GALNTL6: variants seen among roughly 807,000 people sequenced by gnomAD.
The protein encoded by GALNTL6 is polypeptide N-acetylgalactosaminyltransferase like 6, also known as polypeptide N-acetylgalactosaminyltransferase-like 6.
A neutral mutation model predicts 73.7 loss-of-function variants in GALNTL6; 46 were observed. The ratio of observed to expected loss-of-function variants is 0.62; its 90% CI spans 0.49 to 0.80. The LOEUF (loss-of-function observed/expected upper bound fraction) is 0.80, where lower values mean the gene tolerates loss of function less well. Ranked by LOEUF, GALNTL6 falls within the 30% of genes least tolerant of loss-of-function variation. GALNTL6 has a pLI of 0.00. For missense variants in GALNTL6, 604 were observed against 755.0 expected (o/e 0.80, Z 2.34); for synonymous variants, 259 against 263.7 (o/e 0.98, Z 0.17).
chr4:172,785,959 A>G (rs1739628690), intron 5 of GALNTL6, among the ~76,000 whole-genome samples: 1 of 152,204 alleles, frequency 6.6e-6, no homozygotes, highest in Non-Finnish European at 1.5e-5. Flanking sequence ...AAGGTAATCA[A>G]TGGTCTTGCT....
intron 5 of GALNTL6, among the ~76,000 whole-genome samples, chr4:172,394,989 T>A (rs541351224): frequency 1.3e-5 from 2 of 152,344 alleles, no homozygotes; most frequent in Admixed American, 1.3e-4. Flanking sequence ...CAGAAGGTGC[T>A]AGGATGAACA....
intron 2 of GALNTL6, among the ~76,000 whole-genome samples, chr4:172,158,785 A>G (rs1734363911): frequency 6.6e-6 from 1 of 152,202 alleles, no homozygotes; most frequent in Admixed American, 6.5e-5. Context: ...ATTTTTTTCA[A>G]TGGAAGTTTT....
chr4:172,806,774 C>T (rs369797623), intron 5 of GALNTL6, among the ~76,000 whole-genome samples: 1 of 152,072 alleles, frequency 6.6e-6, no homozygotes, highest in Admixed American at 6.6e-5. Context: ...TGTTTAGTCC[C>T]CAGTGACTGT....
intron 10 of GALNTL6, among the ~76,000 whole-genome samples, chr4:172,994,778 G>T (rs957407238): frequency 6.6e-6 from 1 of 152,142 alleles, no homozygotes; most frequent in Non-Finnish European, 1.5e-5. Flanking sequence ...AACTTGAAAA[G>T]CCCCATGGGT....
chr4:171,992,108 A>G (rs1360744191), intron 2 of GALNTL6, among the ~76,000 whole-genome samples: 2 of 152,020 alleles, frequency 1.3e-5, no homozygotes, highest in African/African-American at 4.8e-5. Context: ...ATCGCAATTC[A>G]TGACTCAGAT....
At chr4:172,903,439 G>A (rs1228192916) in intron 8 of GALNTL6, among the ~76,000 whole-genome samples, 1 of 152,110 alleles carries the variant, frequency 6.6e-6, no homozygotes, top group Non-Finnish European at 1.5e-5. Flanking sequence ...TGCAGAAAAA[G>A]GCAAAGGAAG....
intron 2 of GALNTL6, among the ~76,000 whole-genome samples, chr4:171,958,678 A>G (rs1019806713): frequency 5.9e-5 from 9 of 152,112 alleles, no homozygotes; most frequent in Admixed American, 2.6e-4. Context: ...ATCAACTATG[A>G]TCAATCACAT....
intron 5 of GALNTL6, among the ~76,000 whole-genome samples, chr4:172,568,007 G>A (rs1291753885): frequency 4.6e-5 from 7 of 152,094 alleles, no homozygotes; most frequent in South Asian, 2.1e-4. Context: ...CTAAAAATAC[G>A]AATTCAGGAA....
Position 171,964,864 on chromosome 4 carries a change from T to A in GALNTL6, c.138+150146T>A, listed in dbSNP as rs1011972508. The stretch of plus-strand genomic sequence containing the variant: ...CCTCTTTCGCAGAGGCAGCCCATAC[T>A]GATTGGCTGGCCACTGAAGGGACAC... On this transcript the variant is annotated intron_variant, in intron 2 of 12. Coordinates refer to ENST00000506823, the MANE Select transcript of GALNTL6 (RefSeq NM_001034845.3). 8.5e-4 allele frequency among the ~76,000 whole-genome samples: 129 copies of A among 152,220 alleles called. 5 individuals carry two copies. Among genetic ancestry groups the A allele is most frequent in the Non-Finnish European group, 1.6e-4 (11 of 68,036 alleles).
rs542504655 is a variant in GALNTL6, at chr4:172,779,287, C to T, written c.554-30074C>T. Among the ~76,000 whole-genome samples, 3 of 152,232 alleles carry T rather than the reference C, an allele frequency of 2.0e-5. No individual in the cohort carries two copies. In the East Asian group the frequency reaches 5.8e-4, roughly 29 times the overall value. On this transcript the variant is annotated intron_variant, in intron 5 of 12. Coordinates refer to ENST00000506823, the MANE Select transcript of GALNTL6 (RefSeq NM_001034845.3). ...TGTGGCAATTGGTATACAGTGACAA[C>T]ACCTTGGTACACGTGCTTCAGAGAG...
At chr4:172,533,162 C>T (rs1232917297) in intron 5 of GALNTL6, among the ~76,000 whole-genome samples, 1 of 151,668 alleles carries the variant, frequency 6.6e-6, no homozygotes, top group East Asian at 1.9e-4. Flanking sequence ...CAGGCACACA[C>T]CACCATGCCT....
intron 5 of GALNTL6, among the ~76,000 whole-genome samples, chr4:172,785,272 C>G (rs1208978502): frequency 6.6e-6 from 1 of 152,100 alleles, no homozygotes; most frequent in Admixed American, 6.6e-5. Context: ...AAACAGCATA[C>G]TCAGAAGTAG....
At chr4:172,587,140 A>AG (rs1737443021) in intron 5 of GALNTL6, among the ~76,000 whole-genome samples, 3 of 152,014 alleles carry the variant, frequency 2.0e-5, no homozygotes, top group Admixed American at 2.0e-4. Flanking sequence ...ATTGTGTAGA[A>AG]AAAATGTACG....
intron 4 of GALNTL6, among the ~76,000 whole-genome samples, chr4:172,315,163 A>G (rs541718935): frequency 2.0e-5 from 3 of 152,308 alleles, no homozygotes; most frequent in Non-Finnish European, 2.9e-5. Context: ...ACATCTCTCT[A>G]TCTTACAAAT....
chr4:172,225,564 C>T (rs1316072640), intron 2 of GALNTL6, among the ~76,000 whole-genome samples: 4 of 151,998 alleles, frequency 2.6e-5, no homozygotes, highest in East Asian at 3.9e-4. Context: ...ATTTACTAGA[C>T]CTGAGCTGGG....
chr4:172,464,360 A>C (rs1363268304), intron 5 of GALNTL6, among the ~76,000 whole-genome samples: 5 of 152,136 alleles, frequency 3.3e-5, no homozygotes, highest in African/African-American at 1.2e-4. Flanking sequence ...TATTTTGTGA[A>C]CATTAAGTAC....
chr4:172,106,117 G>A (rs1289400843), intron 2 of GALNTL6, among the ~76,000 whole-genome samples: 4 of 152,140 alleles, frequency 2.6e-5, no homozygotes, highest in Non-Finnish European at 4.4e-5. Flanking sequence ...AAAAGAAAAT[G>A]ACACAGCAAA....
intron 2 of GALNTL6, among the ~76,000 whole-genome samples, chr4:172,172,808 C>G (rs949343313): frequency 6.6e-6 from 1 of 152,202 alleles, no homozygotes; most frequent in Non-Finnish European, 1.5e-5. Flanking sequence ...ACTACCCTGT[C>G]TGAGTACCCA....
intron 7 of GALNTL6, among the ~76,000 whole-genome samples, chr4:172,872,634 A>G (rs183178001): frequency 1.5e-3 from 222 of 152,352 alleles, no homozygotes; most frequent in African/African-American, 5.2e-3. Context: ...AGTAACTACA[A>G]GAAACACTTT....
Sources: allele counts gnomAD v4.1 joint callset (sites outside exome capture counted in the v4.1 genomes callset), GRCh38; gene constraint gnomAD v4.1.1; transcripts MANE v1.5; gene names NCBI Gene and HGNC (gene_info 2026-07-23, HGNC 2026-07-21).